ZNF84: variants seen among roughly 807,000 people sequenced by gnomAD.
ZNF84 encodes the protein zinc finger protein 84.
Under a neutral mutation model 14.8 loss-of-function variants are expected in ZNF84, and 12 were observed. The observed-to-expected ratio is 0.81, with a 90% CI of 0.52 to 1.31. The LOEUF (loss-of-function observed/expected upper bound fraction) is 1.31, where lower values mean the gene tolerates loss of function less well. ZNF84 is among the 50% of genes most tolerant of loss of function. ZNF84 has a pLI of 0.00. For missense variants in ZNF84, 859 were observed against 878.6 expected (o/e 0.98, Z 0.28); for synonymous variants, 347 against 291.1 (o/e 1.19, Z -1.96).
At position 133,044,829 on chromosome 12, in the gene ZNF84, G is replaced by A. The variant is rs1953950611; in HGVS notation, c.16-3126G>A. Among the ~76,000 whole-genome samples the A allele has an allele frequency of 4.0e-5, 6 of 151,792 alleles. No homozygotes were observed. In the South Asian group the frequency reaches 8.3e-4, roughly 21 times the overall value. On this transcript the variant is annotated intron_variant, in intron 2 of 4. Coordinates refer to ENST00000539354, the MANE Select transcript of ZNF84 (RefSeq NM_001289971.2). The stretch of plus-strand genomic sequence containing the variant: ...CTTGGGAGGCTGAGGCAGGAGAATC[G>A]CTTGAACCTGGGAGGTGGAGGTTGC...
Position 133,045,332 on chromosome 12 carries a change from G to A in ZNF84, c.16-2623G>A, listed in dbSNP as rs199635355. On this transcript the variant is annotated intron_variant, in intron 2 of 4. Transcript: ENST00000539354. ...CTAAAAATACAAAAATTAGCTGGGC[G>A]TAGTGGCAGGTGCCTGTAATCCCAG... Among the ~76,000 whole-genome samples, 511 of 152,236 alleles carry A rather than the reference G, an allele frequency of 3.4e-3. 3 individuals carry two copies. Among genetic ancestry groups the A allele is most frequent in the African/African-American group, 0.012 (479 of 41,544 alleles).
At position 133,057,078 on chromosome 12, in the gene ZNF84, TC is replaced by T. The variant is rs2137417597; in HGVS notation, c.365del (p.Pro122LeufsTer2). The T allele has an allele frequency of 6.2e-7, 1 of 1,613,614 alleles. No homozygotes were observed. Among genetic ancestry groups the T allele is most frequent in the East Asian group, 2.2e-5 (1 of 44,842 alleles). Reference sequence around the variant, plus strand: ...ATTTCAATCTGAACATGAACTTTGTTCCTTTAAGGAAATCAAACAGTGAAGG... The same window carrying T: ...ATTTCAATCTGAACATGAACTTTGTTCTTTAAGGAAATCAAACAGTGAAGG... Reference protein sequence around the residue: ...KNFNLNMNFVPLRKSNSEGDL... With the variant: ...KNFNLNMNFVXLRKSNSEGDL... On this transcript the variant is annotated frameshift_variant, in exon 5 of 5. Coordinates refer to ENST00000539354, the MANE Select transcript of ZNF84 (RefSeq NM_001289971.2). LOFTEE classifies it low-confidence loss of function (END_TRUNC).
At chr12:133,044,421 T>G (rs1366615856) in intron 2 of ZNF84, among the ~76,000 whole-genome samples, 4 of 152,004 alleles carry the variant, frequency 2.6e-5, no homozygotes, top group African/African-American at 7.3e-5. Context: ...TATCAAATAG[T>G]TGAAATTATA....
At chr12:133,040,251 A>G (rs1782271859) in intron 1 of ZNF84, among the ~76,000 whole-genome samples, 1 of 152,088 alleles carries the variant, frequency 6.6e-6, no homozygotes, top group Admixed American at 6.5e-5. Context: ...AGATGATAAC[A>G]TACCACGTAA....
At position 133,060,642 on chromosome 12, in the gene ZNF84, CTG is replaced by C. The variant is rs1295658347; in HGVS notation, c.*1712_*1713del. The C allele has an allele frequency of 1.6e-4, 24 of 152,314 alleles. No individual in the cohort carries two copies. Among genetic ancestry groups the C allele is most frequent in the Admixed American group, 5.2e-4 (8 of 15,304 alleles). 9.4% of individuals were successfully genotyped at this position (152,314 alleles called of 1,614,324 possible). On this transcript the variant is annotated 3_prime_UTR_variant, in exon 5 of 5. Coordinates refer to ENST00000539354, the MANE Select transcript of ZNF84 (RefSeq NM_001289971.2). ...TGGATACCATTGTAATGTTGAGAAACTGTAAGTCACATCCTCTTAAGTCAGGA... is the reference window on the plus strand; with the variant it reads ...TGGATACCATTGTAATGTTGAGAAACTAAGTCACATCCTCTTAAGTCAGGA...
Position 133,048,832 on chromosome 12 carries a change from A to G in ZNF84, c.222A>G (p.Pro74=). ...CGTGGGTAGGAGATGGAGAAATTCC[A>G]AGTTCAGATTCTCCAGGTGAGTGTA... ...EEPWVGDGEI[P]SSDSPEVWKV... The change falls in exon 4 of 5, where the codon CCA becomes CCG. Residue 74 remains proline (P), a synonymous_variant. Transcript: ENST00000539354. The G allele has an allele frequency of 6.2e-7, 1 of 1,613,412 alleles. No individual in the cohort carries two copies. The highest frequency in any genetic ancestry group is 8.5e-7 in the Non-Finnish European group (1 of 1,179,642).
chr12:133,057,646 A>G lies in ZNF84; in HGVS notation c.931A>G (p.Arg311Gly). 1 of 1,614,146 alleles carries G rather than the reference A, an allele frequency of 6.2e-7. No homozygotes were observed. The highest frequency in any genetic ancestry group is 8.5e-7 in the Non-Finnish European group (1 of 1,180,034). ...GAAGTCACATCTCATATCGCATTGG[A>G]GAACACACACAGGAGAGAAACCCTA... ...SRKSHLISHW[R>G]THTGEKPYGC... is the part of the protein sequence containing the mutation. Residue 311 changes from arginine (R) to glycine (G), a missense_variant, in exon 5 of 5, where the codon AGA becomes GGA. By Grantham distance (125) the Arg-to-Gly change is moderately radical (BLOSUM62 -2). Coordinates refer to ENST00000539354, the MANE Select transcript of ZNF84 (RefSeq NM_001289971.2).
Position 133,057,573 on chromosome 12 carries a change from A to AG in ZNF84, c.860dup (p.Glu288ArgfsTer5). On this transcript the variant is annotated frameshift_variant, in exon 5 of 5. Transcript: ENST00000539354. LOFTEE classifies it low-confidence loss of function (END_TRUNC). Reference sequence around the variant, plus strand: ...TCACATCCCATCAGCGGACACATACAGGAGAGAAACCTTATGAGTGTGGTG... The same window carrying AG: ...TCACATCCCATCAGCGGACACATACAGGGAGAGAAACCTTATGAGTGTGGTG... The AG allele has an allele frequency of 6.2e-7, 1 of 1,614,208 alleles. No individual in the cohort carries two copies. The highest frequency in any genetic ancestry group is 8.5e-7 in the Non-Finnish European group (1 of 1,180,034).
At chr12:133,038,447 G>C (rs1260387691) in intron 1 of ZNF84, among the ~76,000 whole-genome samples, 1 of 143,760 alleles carries the variant, frequency 7.0e-6, no homozygotes, top group Admixed American at 6.8e-5. Flanking sequence ...TGTAGCCCCA[G>C]CTACTCTGTA....
At position 133,060,438 on chromosome 12, in the gene ZNF84, A is replaced by G. The variant is rs1455222737; in HGVS notation, c.*1506A>G. ...GTTACCTCCCAATAAACCCATTGTAAGTTGAAAACATTGTAAGTCAAAAAT... is the reference window on the plus strand; with the variant it reads ...GTTACCTCCCAATAAACCCATTGTAGGTTGAAAACATTGTAAGTCAAAAAT... On this transcript the variant is annotated 3_prime_UTR_variant, in exon 5 of 5. Coordinates refer to ENST00000539354, the MANE Select transcript of ZNF84 (RefSeq NM_001289971.2). 3.3e-5 allele frequency: 5 copies of G among 152,228 alleles called. No individual in the cohort carries two copies. The highest frequency in any genetic ancestry group is 1.9e-4 in the East Asian group (1 of 5,202). 9.4% of individuals were successfully genotyped at this position (152,228 alleles called of 1,614,324 possible). A position where few individuals can be genotyped will look rare whatever the true frequency, so the allele number is the denominator to read the frequency against.
At position 133,041,164 on chromosome 12, in the gene ZNF84, T is replaced by C. The variant is rs914356904; in HGVS notation, c.-190-114T>C. The C allele has an allele frequency of 9.5e-5, 38 of 398,718 alleles. No homozygotes were observed. The East Asian group carries it at 1.3e-3, about 14-fold the overall frequency. 24.7% of individuals were successfully genotyped at this position (398,718 alleles called of 1,614,324 possible). A position where few individuals can be genotyped will look rare whatever the true frequency, so the allele number is the denominator to read the frequency against. The stretch of plus-strand genomic sequence containing the variant: ...TTCCCTGAGAGTGCTGTTTCAGTTA[T>C]ATAGCAAGCGTACCTCTGGCCTTAG... On this transcript the variant is annotated intron_variant, in intron 1 of 4. Coordinates refer to ENST00000539354, the MANE Select transcript of ZNF84 (RefSeq NM_001289971.2).
Position 133,056,946 on chromosome 12 carries a change from C to T in ZNF84, c.239-8C>T. The T allele has an allele frequency of 1.4e-5, 22 of 1,542,850 alleles. No homozygotes were observed. Among genetic ancestry groups the T allele is most frequent in the East Asian group, 1.1e-4 (5 of 43,772 alleles). On this transcript the variant is annotated splice_region_variant and splice_polypyrimidine_tract_variant and intron_variant, in intron 4 of 4. Coordinates refer to ENST00000539354, the MANE Select transcript of ZNF84 (RefSeq NM_001289971.2). ...CAACCAAACAGATTGTTTTTGTTTC[C>T]TTTATAGAAGTCTGGAAAGTAGATG... is the stretch of plus-strand genomic sequence containing the variant.
chr12:133,059,701 CAT>C lies in ZNF84; in HGVS notation c.*772_*773del, dbSNP rs1954225078. ...TTAATGTAATTGGGAGTATGAAATG[CAT>C]ATGCCTTTTAGTGCCTCTGATGTCT... On this transcript the variant is annotated 3_prime_UTR_variant, in exon 5 of 5. Coordinates refer to ENST00000539354, the MANE Select transcript of ZNF84 (RefSeq NM_001289971.2). 1 of 152,250 alleles carries C rather than the reference CAT, an allele frequency of 6.6e-6. No individual in the cohort carries two copies. The highest frequency in any genetic ancestry group is 1.5e-5 in the Non-Finnish European group (1 of 68,024). 9.4% of individuals were successfully genotyped at this position (152,250 alleles called of 1,614,324 possible). A position where few individuals can be genotyped will look rare whatever the true frequency, so the allele number is the denominator to read the frequency against.
At chr12:133,046,955 T>C (rs1953993050) in intron 2 of ZNF84, among the ~76,000 whole-genome samples, 1 of 134,944 alleles carries the variant, frequency 7.4e-6, no homozygotes, top group South Asian at 2.3e-4. Context: ...TTATATATTA[T>C]ATTATGTATT....
chr12:133,055,730 A>T (rs1398770618), intron 4 of ZNF84, among the ~76,000 whole-genome samples: 1 of 152,232 alleles, frequency 6.6e-6, no homozygotes, highest in Admixed American at 6.5e-5. Flanking sequence ...TGATAAATTC[A>T]ACACCTATGA....
chr12:133,055,902 A>C (rs1954147041), intron 4 of ZNF84, among the ~76,000 whole-genome samples: 1 of 139,158 alleles, frequency 7.2e-6, no homozygotes, highest in Non-Finnish European at 1.6e-5. Flanking sequence ...GTTCAAGACC[A>C]TTCTGGACAA....
At chr12:133,050,684 T>C (rs1954054797) in intron 4 of ZNF84, 2 of 396,638 alleles carry the variant, frequency 5.0e-6, no homozygotes, top group African/African-American at 4.1e-5. Flanking sequence ...CTTAATCCTT[T>C]CCATAGGAAC....
intron 2 of ZNF84, among the ~76,000 whole-genome samples, chr12:133,047,300 G>A (rs2137364630): frequency 6.6e-6 from 1 of 152,126 alleles, no homozygotes; most frequent in South Asian, 2.1e-4. Flanking sequence ...TGAAAAAAGT[G>A]TTCTCACACT....
In ZNF84 at chr12:133,063,207, G is replaced by T; in HGVS notation, c.*4275G>T. 1.4e-6 allele frequency: 1 copy of T among 702,362 alleles called. No homozygotes were observed. Among genetic ancestry groups the T allele is most frequent in the East Asian group, 2.7e-5 (1 of 37,278 alleles). The allele number at this position is 702,362 out of a possible 1,614,324, so 43.5% of individuals were successfully genotyped here. A position where few individuals can be genotyped will look rare whatever the true frequency, so the allele number is the denominator to read the frequency against. On this transcript the variant is annotated 3_prime_UTR_variant, in exon 5 of 5. Transcript: ENST00000539354. The stretch of plus-strand genomic sequence containing the variant: ...AGTACCTGGTTCTTCTGGTCTTCAT[G>T]TTCAGGTCCACCTCTGCCCTTTTCA...
Sources: gnomAD v4.1 joint callset for allele counts (sites outside exome capture counted in the v4.1 genomes callset) on GRCh38, gnomAD v4.1.1 for gene constraint, MANE v1.5 for transcripts, NCBI Gene and HGNC (gene_info 2026-07-23, HGNC 2026-07-21) for gene names.